USP20: variants seen among roughly 807,000 people sequenced by gnomAD.
USP20 encodes ubiquitin specific peptidase 20, also known as ubiquitin carboxyl-terminal hydrolase 20.
Under a neutral mutation model 124.2 loss-of-function variants are expected in USP20, and 80 were observed. The observed-to-expected ratio is 0.64, with a 90% CI of 0.54 to 0.78. USP20 has a LOEUF of 0.78. Ranked by LOEUF, USP20 falls within the 30% of genes least tolerant of loss-of-function variation. The pLI is 0.00. For synonymous variants in USP20, 481 were observed against 512.3 expected (o/e 0.94, Z 0.83); for missense variants, 1,043 against 1,244.4 (o/e 0.84, Z 2.44).
chr9:129,861,687 C>T, intron 8 of USP20, 75 bp downstream of exon 8: 1 of 1,440,186 alleles, frequency 6.9e-7, no homozygotes, highest in Non-Finnish European at 9.7e-7. Context: ...TAGCAGCCCC[C>T]AGCCGGTTGC....
intron 11 of USP20, 26 bp from the exon 12 acceptor site, chr9:129,868,836 C>T: frequency 2.0e-6 from 3 of 1,531,352 alleles, no homozygotes; most frequent in Non-Finnish European, 2.6e-6. Flanking sequence ...TGCCCTGGCC[C>T]AGCATGGTAC....
At position 129,858,032 on chromosome 9, in the gene USP20, C is replaced by A; in HGVS notation, c.136-18C>A. On this transcript the variant is annotated intron_variant, in intron 4 of 25. Transcript: ENST00000372429. ...CTTTTGGCAAGCTCCAGTCCACTCTCCTTCCCTCTCTTCCCAGGTTGCCTG... is the reference window on the plus strand; with the variant it reads ...CTTTTGGCAAGCTCCAGTCCACTCTACTTCCCTCTCTTCCCAGGTTGCCTG... The A allele has an allele frequency of 6.2e-7, 1 of 1,612,088 alleles. No homozygotes were observed. Among genetic ancestry groups the A allele is most frequent in the South Asian group, 1.1e-5 (1 of 91,020 alleles).
Position 129,852,566 on chromosome 9 carries a change from C to T in USP20, c.11C>T (p.Ser4Phe). 6.3e-7 allele frequency: 1 copy of T among 1,596,906 alleles called. No homozygotes were observed. The highest frequency in any genetic ancestry group is 8.5e-7 in the Non-Finnish European group (1 of 1,171,002). ...TGAGCCCAGGCCAGGATGGGGGACT[C>T]CAGGGACCTTTGCCCTCACCTTGAC... MGDSRDLCPHLDSI... is the reference protein window; with the variant it reads MGDFRDLCPHLDSI... The change falls in exon 3 of 26, where the codon TCC (serine) becomes TTC (phenylalanine). Residue 4 changes from serine to phenylalanine, a missense_variant. Ser to Phe is a radical substitution (Grantham distance 155, BLOSUM62 -2). Transcript: ENST00000372429.
intron 8 of USP20, among the ~76,000 whole-genome samples, chr9:129,862,012 A>G (rs2033574349): frequency 6.6e-6 from 1 of 152,194 alleles, no homozygotes; most frequent in Non-Finnish European, 1.5e-5. Context: ...TGCATGGTAC[A>G]ATCCCGTTTT....
chr9:129,846,717 C>T (rs1326718977), intron 1 of USP20, among the ~76,000 whole-genome samples: 2 of 151,552 alleles, frequency 1.3e-5, no homozygotes, highest in African/African-American at 4.9e-5. Context: ...ACCTCTGCCT[C>T]CCAGGTTCAA....
At chr9:129,867,266 G>A (rs1475482046) in intron 10 of USP20, among the ~76,000 whole-genome samples, 1 of 152,152 alleles carries the variant, frequency 6.6e-6, no homozygotes, top group Non-Finnish European at 1.5e-5. Flanking sequence ...ATCTCAGTGG[G>A]GCTCACTGGG....
chr9:129,853,174 T>C (rs1430734005), intron 3 of USP20, among the ~76,000 whole-genome samples: 1 of 143,238 alleles, frequency 7.0e-6, no homozygotes, highest in Non-Finnish European at 1.5e-5. Context: ...GGTAAGCACT[T>C]ATTCTCTTTT....
intron 10 of USP20, among the ~76,000 whole-genome samples, chr9:129,867,016 T>C (rs2033851101): frequency 6.6e-6 from 1 of 152,144 alleles, no homozygotes; most frequent in South Asian, 2.1e-4. Flanking sequence ...CGGGATCCTC[T>C]TCCCAGATGT....
intron 8 of USP20, among the ~76,000 whole-genome samples, chr9:129,862,312 G>A (rs1387606134): frequency 6.6e-6 from 1 of 152,156 alleles, no homozygotes; most frequent in Non-Finnish European, 1.5e-5. Context: ...CCAGCACTTT[G>A]GTAGGCCGAG....
intron 9 of USP20, among the ~76,000 whole-genome samples, chr9:129,863,649 G>A (rs1015751310): frequency 1.3e-5 from 2 of 152,148 alleles, no homozygotes; most frequent in African/African-American, 4.8e-5. Context: ...TGTAGAAGGA[G>A]GTGTGGGGCA....
rs561498174 is a variant in USP20 at position 129,866,610 on chromosome 9, G to T, written c.690+1229G>T. On this transcript the variant is annotated intron_variant, in intron 10 of 25. Transcript: ENST00000372429. ...CTGGGTCAGGATGCCGTTACGGAGG[G>T]CCATGCGCTGCGGCAGGACTCCATC... 2.0e-5 allele frequency among the ~76,000 whole-genome samples: 3 copies of T among 152,326 alleles called. No individual in the cohort carries two copies. In the East Asian group the frequency reaches 5.8e-4, roughly 29 times the overall value.
intron 1 of USP20, among the ~76,000 whole-genome samples, chr9:129,836,151 A>T (rs1291776673): frequency 6.6e-6 from 1 of 152,218 alleles, no homozygotes; most frequent in African/African-American, 2.4e-5. Context: ...AGTTTATTTG[A>T]AAAACTGGTA....
intron 6 of USP20, among the ~76,000 whole-genome samples, chr9:129,860,467 T>G (rs1564207074): frequency 2.0e-5 from 3 of 151,732 alleles, no homozygotes; most frequent in African/African-American, 7.3e-5. Flanking sequence ...TTATTGCCAA[T>G]AAAAAAATGC....
At position 129,878,449 on chromosome 9, in the gene USP20, A is replaced by AG. The variant is rs3215849; in HGVS notation, c.2512+15dup. ...CAAGGGGAAGGACAACGGTGAGCTG[A>AG]GGGGGGACCTGGCACTTACCTGCCC... is the stretch of plus-strand genomic sequence containing the variant. On this transcript the variant is annotated intron_variant, in intron 23 of 25. Transcript: ENST00000372429. 3.1e-6 allele frequency: 5 copies of AG among 1,591,094 alleles called. No homozygotes were observed. The highest frequency in any genetic ancestry group is 2.3e-5 in the East Asian group (1 of 44,300).
rs779128760 is a variant in USP20, at chr9:129,869,009, G to A, written c.1276+7G>A. Reference sequence around the variant, plus strand: ...TCGTACGTGCTCAAGAAAGGTTCGGGGGGCACGGGAGGGTGGGTCAGCTTG... The same window carrying A: ...TCGTACGTGCTCAAGAAAGGTTCGGAGGGCACGGGAGGGTGGGTCAGCTTG... On this transcript the variant is annotated splice_region_variant and intron_variant, in intron 12 of 25. Transcript: ENST00000372429. 6.3e-7 allele frequency: 1 copy of A among 1,599,514 alleles called. No individual in the cohort carries two copies. The highest frequency in any genetic ancestry group is 8.5e-7 in the Non-Finnish European group (1 of 1,171,458).
intron 2 of USP20, among the ~76,000 whole-genome samples, chr9:129,851,684 C>T (rs773042482): frequency 3.3e-5 from 5 of 152,134 alleles, no homozygotes; most frequent in African/African-American, 7.2e-5. Flanking sequence ...GGGAAAGAAA[C>T]GCAGGAGAAT....
intron 1 of USP20, among the ~76,000 whole-genome samples, chr9:129,848,251 G>T (rs147927431): frequency 6.7e-6 from 1 of 149,378 alleles, no homozygotes; most frequent in Non-Finnish European, 1.5e-5. Context: ...AGCTGAGATC[G>T]CACCATTGCA....
intron 15 of USP20, among the ~76,000 whole-genome samples, chr9:129,870,779 T>G (rs572647211): frequency 6.6e-6 from 1 of 152,376 alleles, no homozygotes; most frequent in African/African-American, 2.4e-5. Context: ...TTCACTTATT[T>G]TTATTTTTAC....
intron 3 of USP20, among the ~76,000 whole-genome samples, chr9:129,854,138 G>A (rs569338171): frequency 5.3e-4 from 80 of 152,308 alleles, no homozygotes; most frequent in African/African-American, 1.6e-3. Flanking sequence ...GCAGATGGGC[G>A]GAAAGAGACT....
Sources: gnomAD v4.1 joint callset for allele counts (sites outside exome capture counted in the v4.1 genomes callset) on GRCh38, gnomAD v4.1.1 for gene constraint, MANE v1.5 for transcripts, NCBI Gene and HGNC (gene_info 2026-07-23, HGNC 2026-07-21) for gene names.